Variants in ESRRB observed in about 807,000 individuals in gnomAD.
ESRRB encodes the protein steroid hormone receptor ERR2.
ESRRB carries 16 observed loss-of-function variants against 46.0 expected under a neutral mutation model. The observed-to-expected ratio is 0.35, with a 90% confidence interval of 0.24 to 0.53. ESRRB has a LOEUF of 0.53. Among genes scored for constraint, ESRRB ranks in the 20% least tolerant of loss-of-function variants. The pLI is 0.93. For synonymous variants in ESRRB, 246 were observed against 259.6 expected (o/e 0.95, Z 0.50); for missense variants, 488 against 607.4 (o/e 0.80, Z 2.07).
intron 2 of ESRRB, among the ~76,000 whole-genome samples, chr14:76,456,346 G>C (rs1339235010): frequency 3.9e-5 from 6 of 152,178 alleles, no homozygotes; most frequent in Non-Finnish European, 7.3e-5. Context: ...CATGTGCCAT[G>C]ATGGGCCAGA....
intron 3 of ESRRB, among the ~76,000 whole-genome samples, chr14:76,475,328 C>G (rs779306001): frequency 2.8e-5 from 4 of 145,366 alleles, no homozygotes; most frequent in Non-Finnish European, 6.0e-5. Context: ...GTGATGGACT[C>G]ACTGCACTGC....
In ESRRB at chr14:76,491,531, G is replaced by A. The variant is rs750798786; in HGVS notation, c.935G>A (p.Arg312His). Reference protein sequence around the residue: ...MEILILGIVYRSLPYDDKLVY... With the variant: ...MEILILGIVYHSLPYDDKLVY... Reference sequence around the variant, plus strand: ...ATCCTCATCCTGGGCATCGTGTACCGCTCGCTGCCCTATGACGACAAGCTG... The same window carrying A: ...ATCCTCATCCTGGGCATCGTGTACCACTCGCTGCCCTATGACGACAAGCTG... Residue 312 changes from arginine to histidine, a missense_variant, in exon 6 of 7, where the codon CGC (arginine) becomes CAC (histidine). Coordinates refer to ENST00000644823, the MANE Select transcript of ESRRB (RefSeq NM_001379180.1). 11 of 1,599,172 alleles carry A rather than the reference G, an allele frequency of 6.9e-6. No individual in the cohort carries two copies. Among genetic ancestry groups the A allele is most frequent in the East Asian group, 6.8e-5 (3 of 44,394 alleles).
At chr14:76,496,400 A>AGGGGAAGAGGGAG (rs1890427017) in intron 6 of ESRRB, among the ~76,000 whole-genome samples, 2 of 94,350 alleles carry the variant, frequency 2.1e-5, no homozygotes, top group Admixed American at 9.6e-5. Context: ...GTTCGGTAGG[A>AGGGGAAGAGGGAG]TGGGAAGAGG....
chr14:76,346,999 C>T (rs929517978), intron 1 of ESRRB, among the ~76,000 whole-genome samples: 2 of 152,136 alleles, frequency 1.3e-5, no homozygotes, highest in African/African-American at 2.4e-5. Flanking sequence ...AAACACTGCC[C>T]GCAGAGCCAG....
chr14:76,388,446 A>G (rs537874950), intron 1 of ESRRB, among the ~76,000 whole-genome samples: 1 of 152,014 alleles, frequency 6.6e-6, no homozygotes, highest in African/African-American at 2.4e-5. Flanking sequence ...CAGCCTCCCA[A>G]AGTGCTGGGA....
intron 1 of ESRRB, among the ~76,000 whole-genome samples, chr14:76,406,684 C>T (rs1035187693): frequency 1.3e-5 from 2 of 152,158 alleles, no homozygotes; most frequent in African/African-American, 2.4e-5. Context: ...GCAGAGGTTG[C>T]GGTGAGCCAA....
intron 1 of ESRRB, among the ~76,000 whole-genome samples, chr14:76,393,947 T>C (rs572874584): frequency 6.6e-6 from 1 of 150,578 alleles, no homozygotes; most frequent in African/African-American, 2.4e-5. Context: ...ATTACAGGCA[T>C]GCACCAACAT....
chr14:76,417,398 A>G (rs1886752043), intron 1 of ESRRB, among the ~76,000 whole-genome samples: 1 of 152,168 alleles, frequency 6.6e-6, no homozygotes, highest in Non-Finnish European at 1.5e-5. Context: ...GGCTGGGGTC[A>G]GGTCACAGGC....
intron 3 of ESRRB, among the ~76,000 whole-genome samples, chr14:76,469,146 T>C (rs1889252147): frequency 6.6e-6 from 1 of 152,138 alleles, no homozygotes; most frequent in African/African-American, 2.4e-5. Context: ...CTGGCTGGAC[T>C]GCAGTGGTGC....
chr14:76,317,212 C>G (rs1883811577), intron 1 of ESRRB, among the ~76,000 whole-genome samples: 1 of 151,990 alleles, frequency 6.6e-6, no homozygotes, highest in African/African-American at 2.4e-5. Context: ...AAAGTCTAGG[C>G]ATCTCTTGGG....
chr14:76,380,543 A>G (rs1349370939), intron 1 of ESRRB, among the ~76,000 whole-genome samples: 1 of 152,172 alleles, frequency 6.6e-6, no homozygotes, highest in African/African-American at 2.4e-5. Flanking sequence ...AGCCCACACC[A>G]CACCTTGACT....
chr14:76,481,627 C>T (rs778734384), intron 3 of ESRRB, among the ~76,000 whole-genome samples: 18 of 152,170 alleles, frequency 1.2e-4, no homozygotes, highest in Non-Finnish European at 1.9e-4. Context: ...TGTGAATGAC[C>T]GGGATTCCTT....
chr14:76,483,618 A>G (rs935902718), intron 5 of ESRRB, among the ~76,000 whole-genome samples: 4 of 152,270 alleles, frequency 2.6e-5, no homozygotes, highest in South Asian at 4.2e-4. Context: ...TTACATACAC[A>G]TTGGGGGCCT....
upstream of ESRRB, among the ~76,000 whole-genome samples, chr14:76,369,810 A>G (rs1687152015): frequency 6.6e-6 from 1 of 152,206 alleles, no homozygotes; most frequent in South Asian, 2.1e-4. Flanking sequence ...CTTTGTTTGC[A>G]CTTAACAACA....
chr14:76,365,922 C>T (rs948257160), intron 1 of ESRRB, among the ~76,000 whole-genome samples: 1 of 152,134 alleles, frequency 6.6e-6, no homozygotes, highest in Non-Finnish European at 1.5e-5. Flanking sequence ...TCTTATTGCT[C>T]GCTGACATCC....
At chr14:76,468,386 C>T (rs1179225435) in intron 3 of ESRRB, among the ~76,000 whole-genome samples, 2 of 146,326 alleles carry the variant, frequency 1.4e-5, no homozygotes, top group Non-Finnish European at 3.0e-5. Context: ...ATTCTACACA[C>T]ACTGCCCCCC....
At chr14:76,364,764 T>A (rs6574290) in intron 1 of ESRRB, among the ~76,000 whole-genome samples, 88,955 of 151,468 alleles carry the variant, frequency 0.59, 26,266 homozygotes, top group Admixed American at 0.7. Flanking sequence ...CAACCCAACT[T>A]GGGGGCAGGA....
chr14:76,342,500 A>C (rs1322978208), intron 1 of ESRRB, among the ~76,000 whole-genome samples: 2 of 152,214 alleles, frequency 1.3e-5, no homozygotes, highest in Admixed American at 1.3e-4. Context: ...CATGATGCTG[A>C]TGCTGGTGCT....
chr14:76,410,251 T>G (rs1222288513), intron 1 of ESRRB, among the ~76,000 whole-genome samples: 1 of 152,044 alleles, frequency 6.6e-6, no homozygotes, highest in Non-Finnish European at 1.5e-5. Context: ...AACAAAGACT[T>G]GGTGTATTGC....
Sources: gnomAD v4.1 joint callset for allele counts (sites outside exome capture counted in the v4.1 genomes callset) on GRCh38, gnomAD v4.1.1 for gene constraint, MANE v1.5 for transcripts, NCBI Gene and HGNC (gene_info 2026-07-23, HGNC 2026-07-21) for gene names.